The following GALNT18 variants were observed in gnomAD, a reference collection of about 807,000 sequenced individuals.
The protein encoded by GALNT18 is GalNAc-transferase 18.
GALNT18 carries 44 observed loss-of-function variants against 69.5 expected under a neutral mutation model. That is an observed-to-expected ratio of 0.63 (90% CI 0.50 to 0.81). The LOEUF (loss-of-function observed/expected upper bound fraction) is 0.81. GALNT18 is among the 40% of genes least tolerant of loss of function. The pLI, the probability that GALNT18 is intolerant of heterozygous loss-of-function variation, is 0.00. For missense variants in GALNT18, 715 were observed against 810.0 expected (o/e 0.88, Z 1.42); for synonymous variants, 364 against 318.2 (o/e 1.14, Z -1.53).
At chr11:11,486,223 C>T (rs1441903452) in intron 1 of GALNT18, among the ~76,000 whole-genome samples, 1 of 152,220 alleles carries the variant, frequency 6.6e-6, no homozygotes, top group Non-Finnish European at 1.5e-5. Context: ...TTGTACCTCC[C>T]GCCCTACTTG....
At chr11:11,575,381 G>A (rs556130557) in intron 1 of GALNT18, among the ~76,000 whole-genome samples, 4 of 152,264 alleles carry the variant, frequency 2.6e-5, no homozygotes, top group African/African-American at 9.6e-5. Flanking sequence ...AACAGCTGTA[G>A]GCCCACTAAA....
rs1396560883 is a variant in GALNT18, at chr11:11,377,773, CTA to C, written c.780-396_780-395del. Among the ~76,000 whole-genome samples, 2 of 152,184 alleles carry C rather than the reference CTA, an allele frequency of 1.3e-5. No individual in the cohort carries two copies. The highest frequency in any genetic ancestry group is 2.9e-5 in the Non-Finnish European group (2 of 68,038). Reference sequence around the variant, plus strand: ...CTTGGGCTTTGATTTTGCTAAAATTCTATGTGTCAACCTGGAGGAAAAGACAG... The same window carrying C: ...CTTGGGCTTTGATTTTGCTAAAATTCTGTGTCAACCTGGAGGAAAAGACAG... On this transcript the variant is annotated intron_variant, in intron 4 of 10. Transcript: ENST00000227756. The surrounding 1 kb of genome is among the most constrained non-coding windows in gnomAD (Gnocchi z 4.6).
chr11:11,487,850 C>T (rs1856676046), intron 1 of GALNT18, among the ~76,000 whole-genome samples: 1 of 152,208 alleles, frequency 6.6e-6, no homozygotes, highest in African/African-American at 2.4e-5. Flanking sequence ...ACAGAGACAA[C>T]CAAGAGCTGA....
chr11:11,310,518 C>T (rs1849653538), intron 9 of GALNT18, among the ~76,000 whole-genome samples: 1 of 152,150 alleles, frequency 6.6e-6, no homozygotes, highest in South Asian at 2.1e-4. Flanking sequence ...CCAGCAAGTC[C>T]TTTTTCCTGC....
rs1425016363 is a variant in GALNT18 at position 11,387,442 on chromosome 11, C to T, written c.596-8178G>A. Among the ~76,000 whole-genome samples the T allele has an allele frequency of 6.6e-6, 1 of 152,158 alleles. No individual in the cohort carries two copies. Among genetic ancestry groups the T allele is most frequent in the Non-Finnish European group, 1.5e-5 (1 of 68,040 alleles). ...TGCCCAGGAGGGGAGTGGGAACACC[C>T]CACCCACACCCCCACTAATCCACCT... On this transcript the variant is annotated intron_variant, in intron 3 of 10. Transcript: ENST00000227756. This position sits in a 1 kb window ranked among gnomAD's most constrained non-coding sequence, Gnocchi z 4.6.
In GALNT18 at chr11:11,338,081, C is replaced by A. The variant is rs1164742612; in HGVS notation, c.1278+2738G>T. 6.6e-6 allele frequency among the ~76,000 whole-genome samples: 1 copy of A among 151,260 alleles called. No homozygotes were observed. Among genetic ancestry groups the A allele is most frequent in the East Asian group, 1.9e-4 (1 of 5,156 alleles). On this transcript the variant is annotated intron_variant, in intron 7 of 10. Coordinates refer to ENST00000227756, the MANE Select transcript of GALNT18 (RefSeq NM_198516.3). The surrounding 1 kb of genome is among the most constrained non-coding windows in gnomAD (Gnocchi z 5.3). ...CTCCCAGGTTAAAATGATTCTCTTGCCTCAGCCTCCTGAGTAGCTGGGATT... is the reference window on the plus strand; with the variant it reads ...CTCCCAGGTTAAAATGATTCTCTTGACTCAGCCTCCTGAGTAGCTGGGATT...
rs1259300394 is a variant in GALNT18 at position 11,543,917 on chromosome 11, A to G, written c.235+77442T>C. On this transcript the variant is annotated intron_variant, in intron 1 of 10. Transcript: ENST00000227756. The surrounding 1 kb of genome is among the most constrained non-coding windows in gnomAD (Gnocchi z 5.1). ...CTTTCCTAAGTGACTTCCTCACTCC[A>G]GGCCCAAGCCAAGAAACATGAACAA... Among the ~76,000 whole-genome samples the G allele has an allele frequency of 1.3e-5, 2 of 152,222 alleles. No individual in the cohort carries two copies. Among genetic ancestry groups the G allele is most frequent in the Non-Finnish European group, 2.9e-5 (2 of 68,032 alleles).
chr11:11,491,058 A>T (rs373150853), intron 1 of GALNT18, among the ~76,000 whole-genome samples: 178 of 152,246 alleles, frequency 1.2e-3, no homozygotes, highest in African/African-American at 4.0e-3. Context: ...TAGGTCTAGC[A>T]AGTGTCCAGA....
chr11:11,333,544 G>A (rs918013999), intron 7 of GALNT18, among the ~76,000 whole-genome samples: 9 of 152,190 alleles, frequency 5.9e-5, no homozygotes, highest in African/African-American at 2.2e-4. Context: ...TGGGTCTAGA[G>A]TTTCTGCTTT....
chr11:11,508,096 C>A (rs1857101367), intron 1 of GALNT18, among the ~76,000 whole-genome samples: 1 of 152,180 alleles, frequency 6.6e-6, no homozygotes, highest in African/African-American at 2.4e-5. Context: ...CATGTTTAAA[C>A]TTTCCCAATT....
chr11:11,353,190 C>A, intron 6 of GALNT18: 2 of 1,594,792 alleles, frequency 1.3e-6, no homozygotes, highest in Non-Finnish European at 1.7e-6. Flanking sequence ...TCAGAAGCAG[C>A]TTGGGGGTAA....
At chr11:11,354,167 AT>A (rs1850478211) in intron 6 of GALNT18, among the ~76,000 whole-genome samples, 1 of 152,238 alleles carries the variant, frequency 6.6e-6, no homozygotes, top group African/African-American at 2.4e-5. Context: ...CATGGGCATC[AT>A]CACTGGTGTC....
intron 9 of GALNT18, among the ~76,000 whole-genome samples, chr11:11,295,754 A>G (rs1052076035): frequency 6.6e-6 from 1 of 152,196 alleles, no homozygotes; most frequent in Non-Finnish European, 1.5e-5. Context: ...ATGGTAATTG[A>G]TATCAAAATG....
chr11:11,520,659 G>A (rs1857375671), intron 1 of GALNT18, among the ~76,000 whole-genome samples: 4 of 152,172 alleles, frequency 2.6e-5, no homozygotes, highest in Admixed American at 2.6e-4. Flanking sequence ...CTGGGAGCAG[G>A]AGAAAGCTAG....
intron 1 of GALNT18, among the ~76,000 whole-genome samples, chr11:11,545,706 T>G (rs1224927884): frequency 6.6e-6 from 1 of 152,048 alleles, no homozygotes; most frequent in Non-Finnish European, 1.5e-5. Context: ...AGTGCATGTG[T>G]AAAGGTCAGT....
At chr11:11,539,343 C>A (rs987801913) in intron 1 of GALNT18, among the ~76,000 whole-genome samples, 2 of 152,230 alleles carry the variant, frequency 1.3e-5, no homozygotes, top group African/African-American at 4.8e-5. Context: ...AGACCACCCT[C>A]TCCTTCTGCA....
chr11:11,425,770 C>T (rs1855115428), intron 3 of GALNT18, among the ~76,000 whole-genome samples: 1 of 152,106 alleles, frequency 6.6e-6, no homozygotes, highest in Admixed American at 6.5e-5. Flanking sequence ...TGAACAAGCC[C>T]CCAAAGTGCT....
intron 1 of GALNT18, among the ~76,000 whole-genome samples, chr11:11,452,590 C>T (rs575365782): frequency 3.8e-4 from 58 of 152,324 alleles, no homozygotes; most frequent in African/African-American, 1.3e-3. Context: ...CTTAACCAGA[C>T]CTGGACTCCA....
rs1184179087 is a variant in GALNT18 at position 11,356,048 on chromosome 11, T to C, written c.1093-15044A>G. ...TTATAGAAAAACTTGTGTGTAAGGG[T>C]AATTTCTGGATACCAGCACCTACAG... On this transcript the variant is annotated intron_variant, in intron 6 of 10. Transcript: ENST00000227756. This position sits in a 1 kb window ranked among gnomAD's most constrained non-coding sequence, Gnocchi z 4.4. Among the ~76,000 whole-genome samples, 1 of 152,160 alleles carries C rather than the reference T, an allele frequency of 6.6e-6. No individual in the cohort carries two copies. The highest frequency in any genetic ancestry group is 1.5e-5 in the Non-Finnish European group (1 of 68,022).
Sources: allele counts gnomAD v4.1 joint callset (sites outside exome capture counted in the v4.1 genomes callset), GRCh38; gene constraint gnomAD v4.1.1; non-coding constraint Gnocchi (gnomAD v3.1); transcripts MANE v1.5; gene names NCBI Gene and HGNC (gene_info 2026-07-23, HGNC 2026-07-21).